Variants in ADAMTSL1 observed in about 807,000 individuals in gnomAD.
ADAMTSL1 encodes the protein ADAMTS-like protein 1.
A neutral mutation model predicts 201.8 loss-of-function variants in ADAMTSL1; 126 were observed. The observed-to-expected ratio is 0.62, with a 90% confidence interval of 0.54 to 0.72. The LOEUF is 0.72. ADAMTSL1 is among the 30% of genes least tolerant of loss of function. The probability of loss-of-function intolerance (pLI) is 0.00; values close to 1 mark genes in which losing one functional copy is unlikely to be tolerated. For missense variants in ADAMTSL1, 2,679 were observed against 2,277.8 expected (o/e 1.18, Z -3.59); for synonymous variants, 1,121 against 903.4 (o/e 1.24, Z -4.32).
At chr9:18,530,672 A>G (rs1819388072) in intron 2 of ADAMTSL1, among the ~76,000 whole-genome samples, 1 of 152,182 alleles carries the variant, frequency 6.6e-6, no homozygotes, top group Non-Finnish European at 1.5e-5. Flanking sequence ...TACATCTATT[A>G]TGTACTTAAT....
At chr9:18,779,559 C>A (rs1198808130) in intron 19 of ADAMTSL1, among the ~76,000 whole-genome samples, 2 of 152,224 alleles carry the variant, frequency 1.3e-5, no homozygotes, top group African/African-American at 4.8e-5. Flanking sequence ...ATGGTCTGAA[C>A]ACAGGCAGCA....
chr9:18,602,431 G>T (rs1312049865), intron 4 of ADAMTSL1, among the ~76,000 whole-genome samples: 1 of 152,194 alleles, frequency 6.6e-6, no homozygotes, highest in African/African-American at 2.4e-5. Flanking sequence ...AATGTTTCTG[G>T]TTTGCAGCGT....
intron 1 of ADAMTSL1, among the ~76,000 whole-genome samples, chr9:18,497,898 GA>G (rs1445235968): frequency 6.6e-6 from 1 of 152,176 alleles, no homozygotes; most frequent in African/African-American, 2.4e-5. Context: ...GTTCTGAAAT[GA>G]AAACCTTACT....
chr9:18,266,720 A>C (rs908235761), intron 2 of ADAMTSL1, among the ~76,000 whole-genome samples: 1 of 152,152 alleles, frequency 6.6e-6, no homozygotes, highest in Admixed American at 6.6e-5. Context: ...CCTATCGATT[A>C]ACCCCATTGG....
At chr9:18,099,357 T>TATATATA (rs58492343) in intron 1 of ADAMTSL1, among the ~76,000 whole-genome samples, 322 of 56,926 alleles carry the variant, frequency 5.7e-3, no homozygotes, top group South Asian at 0.012. Context: ...ATATATATAT[T>TATATATA]TTTTTTTTTT....
intron 2 of ADAMTSL1, among the ~76,000 whole-genome samples, chr9:18,293,744 C>T (rs758986105): frequency 5.9e-5 from 9 of 152,212 alleles, no homozygotes; most frequent in Non-Finnish European, 1.2e-4. Context: ...TTCTGTTTAA[C>T]TGGTTATTGT....
chr9:18,254,508 T>G (rs576337744), intron 2 of ADAMTSL1, among the ~76,000 whole-genome samples: 135 of 151,510 alleles, frequency 8.9e-4, no homozygotes, highest in Non-Finnish European at 1.1e-3. Context: ...GACTACAGGC[T>G]CCCGCCACCA....
chr9:18,569,363 G>A (rs1253207160), intron 3 of ADAMTSL1, among the ~76,000 whole-genome samples: 1 of 152,180 alleles, frequency 6.6e-6, no homozygotes. Flanking sequence ...AACTCGGGGA[G>A]AGAAATGATT....
At chr9:18,694,087 G>A (rs1831401576) in intron 13 of ADAMTSL1, among the ~76,000 whole-genome samples, 1 of 152,132 alleles carries the variant, frequency 6.6e-6, no homozygotes, top group Admixed American at 6.5e-5. Flanking sequence ...AAAGGAGGAA[G>A]TGCTACACAA....
At chr9:18,021,437 T>A (rs1586906454) in intron 1 of ADAMTSL1, among the ~76,000 whole-genome samples, 1 of 152,160 alleles carries the variant, frequency 6.6e-6, no homozygotes, top group Admixed American at 6.5e-5. Flanking sequence ...TGTCTGGAGA[T>A]TAATTTATCT....
chr9:18,496,338 C>T (rs1563996862), intron 1 of ADAMTSL1, among the ~76,000 whole-genome samples: 1 of 152,120 alleles, frequency 6.6e-6, no homozygotes, highest in Non-Finnish European at 1.5e-5. Flanking sequence ...TAATATTAAG[C>T]CAGGGAGAAT....
chr9:18,427,499 T>C (rs1819279102), intron 2 of ADAMTSL1, among the ~76,000 whole-genome samples: 1 of 152,246 alleles, frequency 6.6e-6, no homozygotes, highest in Non-Finnish European at 1.5e-5. Context: ...AGGAAGTTGA[T>C]AAAGCAACAA....
intron 1 of ADAMTSL1, among the ~76,000 whole-genome samples, chr9:17,924,646 G>A (rs1168969685): frequency 6.7e-6 from 1 of 148,834 alleles, no homozygotes; most frequent in Non-Finnish European, 1.5e-5. Flanking sequence ...AAACTGGCTA[G>A]CCATATGTAG....
At chr9:18,015,029 G>C (rs1586897823) in intron 1 of ADAMTSL1, among the ~76,000 whole-genome samples, 1 of 152,014 alleles carries the variant, frequency 6.6e-6, no homozygotes, top group East Asian at 1.9e-4. Flanking sequence ...AGCAGAAGTA[G>C]CATTAATTGA....
At chr9:18,450,911 A>G (rs766680455) in intron 2 of ADAMTSL1, among the ~76,000 whole-genome samples, 7 of 152,258 alleles carry the variant, frequency 4.6e-5, no homozygotes, top group Non-Finnish European at 7.3e-5. Flanking sequence ...AAAAAATTGT[A>G]TAAAACAGGG....
chr9:18,509,605 G>T (rs1234666950), intron 2 of ADAMTSL1, among the ~76,000 whole-genome samples: 2 of 152,188 alleles, frequency 1.3e-5, no homozygotes, highest in African/African-American at 4.8e-5. Flanking sequence ...TGCTCCACAA[G>T]TTCCTTATCC....
chr9:18,295,367 T>C (rs1433744509), intron 2 of ADAMTSL1, among the ~76,000 whole-genome samples: 1 of 150,832 alleles, frequency 6.6e-6, no homozygotes, highest in Non-Finnish European at 1.5e-5. Context: ...TTAGACAGAG[T>C]ATCACTCTGT....
intron 20 of ADAMTSL1, among the ~76,000 whole-genome samples, chr9:18,798,232 C>G (rs977227053): frequency 2.0e-5 from 3 of 152,104 alleles, no homozygotes; most frequent in African/African-American, 7.2e-5. Context: ...TTCACAAAAG[C>G]AGGCATAGCA....
chr9:18,290,989 G>C (rs28597764), intron 2 of ADAMTSL1, among the ~76,000 whole-genome samples: 5,753 of 152,022 alleles, frequency 0.038, 207 homozygotes, highest in East Asian at 0.14. Context: ...CACCTTGTTA[G>C]CCAGGATGGT....
Sources: allele counts gnomAD v4.1 joint callset (sites outside exome capture counted in the v4.1 genomes callset), GRCh38; gene constraint gnomAD v4.1.1; transcripts MANE v1.5; gene names NCBI Gene and HGNC (gene_info 2026-07-23, HGNC 2026-07-21).